ITGA5: variants seen among roughly 807,000 people sequenced by gnomAD.
ITGA5 encodes the protein integrin alpha-5.
Under a neutral mutation model 146.3 loss-of-function variants are expected in ITGA5, and 55 were observed. The observed-to-expected ratio is 0.38, with a 90% CI of 0.30 to 0.47. ITGA5 has a LOEUF of 0.47. Ranked by LOEUF, ITGA5 falls within the 20% of genes least tolerant of loss-of-function variation. The probability of loss-of-function intolerance (pLI) is 0.99; values close to 1 mark genes in which losing one functional copy is unlikely to be tolerated. For missense variants in ITGA5, 1,131 were observed against 1,329.0 expected (o/e 0.85, Z 2.32); for synonymous variants, 500 against 531.8 (o/e 0.94, Z 0.82).
chr12:54,404,916 C>T, intron 12 of ITGA5, 22 bp from the exon 13 acceptor site: 1 of 1,525,316 alleles, frequency 6.6e-7, no homozygotes, highest in South Asian at 1.3e-5. Flanking sequence ...AGAACACACA[C>T]TAGTCAGCAG....
rs1955894005 is a variant in ITGA5 at position 54,408,291 on chromosome 12, G to A, written c.692-56C>T. 2.5e-6 allele frequency: 4 copies of A among 1,593,058 alleles called. No individual in the cohort carries two copies. The South Asian group carries it at 4.4e-5, about 18-fold the overall frequency. ...AGAGGAAGTGGCAGAGGGGGCTTGG[G>A]ACTCTGGGGGCTGACTGGGTAGTAT... On this transcript the variant is annotated intron_variant, in intron 6 of 29. Coordinates refer to ENST00000293379, the MANE Select transcript of ITGA5 (RefSeq NM_002205.5).
At chr12:54,408,080 C>T (rs1212449830) in intron 7 of ITGA5, 30 bp downstream of exon 7, 1 of 1,613,490 alleles carries the variant, frequency 6.2e-7, no homozygotes, top group Non-Finnish European at 8.5e-7. Flanking sequence ...GGTTCTCCCT[C>T]TGCCATCCCT....
rs3741668 is a variant in ITGA5 at position 54,396,183 on chromosome 12, C to T, written c.*110G>A. The T allele has an allele frequency of 2.9e-3, 2,413 of 832,594 alleles. 92 individuals are homozygous for T. In the East Asian group the frequency reaches 0.056, roughly 19 times the overall value. The allele number at this position is 832,594 out of a possible 1,614,324, so 51.6% of individuals were successfully genotyped here. ...TATGTCTCTGGGCTGGGGAGAGGAGCTTCTCCCTGGCCGTCAGCACCTTCA... is the reference window on the plus strand; with the variant it reads ...TATGTCTCTGGGCTGGGGAGAGGAGTTTCTCCCTGGCCGTCAGCACCTTCA... On this transcript the variant is annotated 3_prime_UTR_variant, in exon 30 of 30. Transcript: ENST00000293379.
At position 54,403,164 on chromosome 12, in the gene ITGA5, C is replaced by G; in HGVS notation, c.1914+23G>C. 1 of 1,577,072 alleles carries G rather than the reference C, an allele frequency of 6.3e-7. No individual in the cohort carries two copies. The highest frequency in any genetic ancestry group is 8.6e-7 in the Non-Finnish European group (1 of 1,162,670). Reference sequence around the variant, plus strand: ...ACCCAGGCCTCTGTCTTCCCAGGTCCCTTCTCCCTGCCCTGTCCTCACCTT... The same window carrying G: ...ACCCAGGCCTCTGTCTTCCCAGGTCGCTTCTCCCTGCCCTGTCCTCACCTT... On this transcript the variant is annotated intron_variant, in intron 18 of 29. Transcript: ENST00000293379. This position sits in a 1 kb window ranked among gnomAD's most constrained non-coding sequence, Gnocchi z 4.9.
Position 54,396,360 on chromosome 12 carries a change from C to A in ITGA5, c.3083G>T (p.Arg1028Leu). Residue 1028 changes from arginine (R) to leucine (L), a missense_variant, in exon 30 of 30, where the codon CGC becomes CTC. Physicochemically the swap from Arg to Leu is moderately radical, Grantham distance 102. Transcript: ENST00000293379. The part of the protein sequence containing the change: ...YILYKLGFFK[R>L]SLPYGTAMEK... ...CATGGCGGTGCCATATGGGAGGGAG[C>A]GTTTGAAGAATCCAAGCTGATAAAG... The A allele has an allele frequency of 1.9e-6, 3 of 1,613,672 alleles. No individual in the cohort carries two copies. The highest frequency in any genetic ancestry group is 2.5e-6 in the Non-Finnish European group (3 of 1,179,712).
At chr12:54,398,836 T>TCTC (rs71835043) in intron 27 of ITGA5, 138 bp from the exon 28 acceptor site, 2 of 105,298 alleles carry the variant, frequency 1.9e-5, no homozygotes, top group Non-Finnish European at 3.7e-5. Flanking sequence ...TCTCTCTCTC[T>TCTC]TTTTTTTTTT....
rs1466860095 is a variant in ITGA5 at position 54,411,931 on chromosome 12, A to G, written c.252T>C (p.Asn84=). The change falls in exon 2 of 30, where the codon AAT becomes AAC. Residue 84 remains asparagine, a synonymous_variant. Coordinates refer to ENST00000293379, the MANE Select transcript of ITGA5 (RefSeq NM_002205.5). ...CCTGCAGCACTCCTGGCTGGCTGGT[A>G]TTAGCCTTGGGTGCTCCCACCAGCA... ...VSVLVGAPKA[N]TSQPGVLQGG... is the part of the protein sequence containing the mutation. The G allele has an allele frequency of 1.2e-6, 2 of 1,604,034 alleles. No individual in the cohort carries two copies. The highest frequency in any genetic ancestry group is 2.3e-5 in the East Asian group (1 of 43,626).
chr12:54,407,938 A>G lies in ITGA5; in HGVS notation c.818-62T>C. 4 of 1,531,102 alleles carry G rather than the reference A, an allele frequency of 2.6e-6. No individual in the cohort carries two copies. The East Asian group carries it at 9.0e-5, about 35-fold the overall frequency. 94.8% of individuals were successfully genotyped at this position (1,531,102 alleles called of 1,614,324 possible). A position where few individuals can be genotyped will look rare whatever the true frequency, so the allele number is the denominator to read the frequency against. On this transcript the variant is annotated intron_variant, in intron 7 of 29. Coordinates refer to ENST00000293379, the MANE Select transcript of ITGA5 (RefSeq NM_002205.5). The stretch of plus-strand genomic sequence containing the variant: ...TTTGAGGACCCCTCTGCTCTGGCCT[A>G]TCCACCAATCCCTTCCCCACCCCTA...
At chr12:54,414,111 C>T (rs974428772) in intron 1 of ITGA5, among the ~76,000 whole-genome samples, 12 of 152,326 alleles carry the variant, frequency 7.9e-5, no homozygotes, top group African/African-American at 2.9e-4. Flanking sequence ...GGGACACAGA[C>T]CTAGGCCTCC....
Position 54,403,607 on chromosome 12 carries a change from C to A in ITGA5, c.1776+18G>T. 6.2e-7 allele frequency: 1 copy of A among 1,609,014 alleles called. No homozygotes were observed. The highest frequency in any genetic ancestry group is 8.5e-7 in the Non-Finnish European group (1 of 1,177,164). ...CCACCCTCCCTGGCCAGTCCACACC[C>A]CGCCCTCTGGGCCATACCCTGAGGT... On this transcript the variant is annotated intron_variant, in intron 17 of 29. Transcript: ENST00000293379. This position sits in a 1 kb window ranked among gnomAD's most constrained non-coding sequence, Gnocchi z 4.9.
chr12:54,404,954 A>T, intron 12 of ITGA5, 60 bp from the exon 13 acceptor site: 1 of 1,377,466 alleles, frequency 7.3e-7, no homozygotes, highest in Non-Finnish European at 9.8e-7. Context: ...TCTAATCTCT[A>T]CTACCAGACC....
At position 54,415,144 on chromosome 12, in the gene ITGA5, G is replaced by A. The variant is rs147910628; in HGVS notation, c.219-3180C>T. ...GACTGGGCAACAAGAGCGAAACTCC[G>A]TCTCAAAAAAATAAAAAATAAAAAT... On this transcript the variant is annotated intron_variant, in intron 1 of 29. Coordinates refer to ENST00000293379, the MANE Select transcript of ITGA5 (RefSeq NM_002205.5). Among the ~76,000 whole-genome samples, 309 of 152,068 alleles carry A rather than the reference G, an allele frequency of 2.0e-3. 2 individuals are homozygous for A. The highest frequency in any genetic ancestry group is 7.2e-3 in the African/African-American group (298 of 41,482).
In ITGA5 at chr12:54,396,186, C is replaced by T. The variant is rs1220976818; in HGVS notation, c.*107G>A. On this transcript the variant is annotated 3_prime_UTR_variant, in exon 30 of 30. Coordinates refer to ENST00000293379, the MANE Select transcript of ITGA5 (RefSeq NM_002205.5). Reference sequence around the variant, plus strand: ...GTCTCTGGGCTGGGGAGAGGAGCTTCTCCCTGGCCGTCAGCACCTTCAAGA... The same window carrying T: ...GTCTCTGGGCTGGGGAGAGGAGCTTTTCCCTGGCCGTCAGCACCTTCAAGA... 7 of 861,554 alleles carry T rather than the reference C, an allele frequency of 8.1e-6. No homozygotes were observed. In the Admixed American group the frequency reaches 1.6e-4, roughly 19 times the overall value. The allele number at this position is 861,554 out of a possible 1,614,324, so 53.4% of individuals were successfully genotyped here.
intron 25 of ITGA5, 156 bp from the exon 26 acceptor site, chr12:54,400,103 G>C: frequency 1.6e-6 from 1 of 609,960 alleles, no homozygotes; most frequent in Admixed American, 2.9e-5. Flanking sequence ...CTGAGCTCAG[G>C]GTTAAAATAT....
In ITGA5 at chr12:54,399,911, G is replaced by A. The variant is rs368518591; in HGVS notation, c.2680C>T (p.Arg894Trp). ...PEGSLHHQQK[R>W]EAPSRSSASS... ...GCAGAGCTGCGGCTTGGAGCTTCCCGTTTTTGCTGGTGGTGCAGGGAACCC... is the reference window on the plus strand; with the variant it reads ...GCAGAGCTGCGGCTTGGAGCTTCCCATTTTTGCTGGTGGTGCAGGGAACCC... The change falls in exon 26 of 30, where the codon CGG becomes TGG. Residue 894 changes from arginine to tryptophan, a missense_variant. Arg to Trp is a moderately radical substitution (Grantham distance 101). Coordinates refer to ENST00000293379, the MANE Select transcript of ITGA5 (RefSeq NM_002205.5). 5.0e-6 allele frequency: 8 copies of A among 1,614,018 alleles called. No individual in the cohort carries two copies. The African/African-American group carries it at 8.0e-5, about 16-fold the overall frequency.
rs372996288 is a variant in ITGA5, at chr12:54,396,360, C to T, written c.3083G>A (p.Arg1028His). ...CATGGCGGTGCCATATGGGAGGGAGCGTTTGAAGAATCCAAGCTGATAAAG... is the reference window on the plus strand; with the variant it reads ...CATGGCGGTGCCATATGGGAGGGAGTGTTTGAAGAATCCAAGCTGATAAAG... ...YILYKLGFFK[R>H]SLPYGTAMEK... Residue 1028 changes from arginine to histidine, a missense_variant, in exon 30 of 30, where the codon CGC becomes CAC. Coordinates refer to ENST00000293379, the MANE Select transcript of ITGA5 (RefSeq NM_002205.5). 22 of 1,613,554 alleles carry T rather than the reference C, an allele frequency of 1.4e-5. No homozygotes were observed. The highest frequency in any genetic ancestry group is 9.4e-5 in the African/African-American group (7 of 74,852).
At position 54,409,592 on chromosome 12, in the gene ITGA5, G is replaced by A. The variant is rs1428702198; in HGVS notation, c.355C>T (p.Arg119Trp). 3.7e-6 allele frequency: 6 copies of A among 1,609,740 alleles called. No homozygotes were observed. Among genetic ancestry groups the A allele is most frequent in the Non-Finnish European group, 5.1e-6 (6 of 1,177,652 alleles). The change falls in exon 3 of 30, where the codon CGG becomes TGG. Residue 119 changes from arginine to tryptophan, a missense_variant. Arg to Trp is a moderately radical substitution (Grantham distance 101, BLOSUM62 -3). Coordinates refer to ENST00000293379, the MANE Select transcript of ITGA5 (RefSeq NM_002205.5). The surrounding 1 kb of genome is among the most constrained non-coding windows in gnomAD (Gnocchi z 4.7). ...TPIEFDSKGS[R>W]LLESSLSSSE... Reference sequence around the variant, plus strand: ...CTGGACAGTGAGGACTCCAGGAGCCGAGAGCCTTGTGGAAGTGAGAAGGGG... The same window carrying A: ...CTGGACAGTGAGGACTCCAGGAGCCAAGAGCCTTGTGGAAGTGAGAAGGGG...
chr12:54,402,441 A>T (rs574165826), intron 19 of ITGA5, 111 bp from the exon 20 acceptor site: 12 of 993,178 alleles, frequency 1.2e-5, no homozygotes, highest in Non-Finnish European at 1.8e-5. Flanking sequence ...TCACACCTGT[A>T]ATCCCAGCAC....
chr12:54,418,919 C>A (rs531860390), intron 1 of ITGA5, 62 bp downstream of exon 1: 29 of 1,579,374 alleles, frequency 1.8e-5, no homozygotes, highest in South Asian at 1.1e-4. Context: ...AGACCCCAGC[C>A]GCGCCCCCAG....
Sources: allele counts gnomAD v4.1 joint callset (sites outside exome capture counted in the v4.1 genomes callset), GRCh38; gene constraint gnomAD v4.1.1; non-coding constraint Gnocchi (gnomAD v3.1); transcripts MANE v1.5; gene names NCBI Gene and HGNC (gene_info 2026-07-23, HGNC 2026-07-21).